DPYD: variants seen among roughly 807,000 people sequenced by gnomAD.
DPYD encodes dihydropyrimidine dehydrogenase [NADP(+)].
A neutral mutation model predicts 116.2 loss-of-function variants in DPYD; 109 were observed. The ratio of observed to expected loss-of-function variants is 0.94; its 90% CI spans 0.80 to 1.10. The LOEUF is 1.10. Ranked by LOEUF, DPYD falls within the 50% of genes least tolerant of loss-of-function variation. The pLI is 0.00. For missense variants in DPYD, 1,302 were observed against 1,254.5 expected, an observed-to-expected ratio of 1.04 and a Z score of -0.57; for synonymous variants, 440 against 432.0, an observed-to-expected ratio of 1.02 and a Z score of -0.23.
intron 8 of DPYD, among the ~76,000 whole-genome samples, chr1:97,625,313 G>C (rs1201171992): frequency 6.7e-6 from 1 of 149,380 alleles, no homozygotes; most frequent in Non-Finnish European, 1.5e-5. Context: ...AGGATTACAT[G>C]TAAGAAGAAT....
At chr1:97,881,376 G>A (rs1672209403) in intron 2 of DPYD, among the ~76,000 whole-genome samples, 1 of 151,960 alleles carries the variant, frequency 6.6e-6, no homozygotes, top group African/African-American at 2.4e-5. Context: ...CCAGAACTGT[G>A]AGAAAATAAG....
intron 16 of DPYD, among the ~76,000 whole-genome samples, chr1:97,306,984 T>C (rs1487453530): frequency 6.6e-6 from 1 of 151,902 alleles, no homozygotes; most frequent in Non-Finnish European, 1.5e-5. Context: ...ATGCTCATTT[T>C]AAAAAGCAAG....
chr1:97,581,975 A>G (rs1653716363), intron 10 of DPYD, among the ~76,000 whole-genome samples: 2 of 152,156 alleles, frequency 1.3e-5, no homozygotes, highest in Non-Finnish European at 2.9e-5. Context: ...ATATGTAAAC[A>G]TCCTACTGGG....
chr1:97,383,644 C>A (rs1672121721), intron 14 of DPYD, among the ~76,000 whole-genome samples: 1 of 151,926 alleles, frequency 6.6e-6, no homozygotes, highest in Non-Finnish European at 1.5e-5. Flanking sequence ...ATGAAGACGC[C>A]AAGGCAATGA....
intron 5 of DPYD, among the ~76,000 whole-genome samples, chr1:97,702,508 G>C (rs1661652800): frequency 6.6e-6 from 1 of 151,798 alleles, no homozygotes; most frequent in Admixed American, 6.6e-5. Flanking sequence ...ATAACATTGT[G>C]TTTTAACAAA....
intron 14 of DPYD, among the ~76,000 whole-genome samples, chr1:97,437,361 G>T (rs561066120): frequency 1.3e-5 from 2 of 150,782 alleles, no homozygotes; most frequent in Non-Finnish European, 3.0e-5. Context: ...AATCCATTTT[G>T]TTGTGTGTAT....
At chr1:97,268,176 G>A (rs1664353206) in intron 18 of DPYD, among the ~76,000 whole-genome samples, 1 of 152,156 alleles carries the variant, frequency 6.6e-6, no homozygotes, top group Non-Finnish European at 1.5e-5. Context: ...GACACACTGG[G>A]GCAGGGGTTG....
intron 18 of DPYD, among the ~76,000 whole-genome samples, chr1:97,253,404 A>T (rs1663239430): frequency 6.6e-6 from 1 of 152,152 alleles, no homozygotes; most frequent in Non-Finnish European, 1.5e-5. Context: ...AAAAGCAAAC[A>T]TTTCCCTTTC....
At chr1:97,608,840 G>A (rs1340416966) in intron 8 of DPYD, among the ~76,000 whole-genome samples, 3 of 151,868 alleles carry the variant, frequency 2.0e-5, no homozygotes, top group Non-Finnish European at 2.9e-5. Flanking sequence ...ACTAGGTGAA[G>A]AATCTATAGC....
chr1:97,831,549 T>C (rs1319006835), intron 2 of DPYD, among the ~76,000 whole-genome samples: 1 of 152,094 alleles, frequency 6.6e-6, no homozygotes, highest in East Asian at 1.9e-4. Flanking sequence ...CAGTGGTAAG[T>C]ATCACATAGG....
intron 16 of DPYD, among the ~76,000 whole-genome samples, chr1:97,372,205 T>C (rs10875077): frequency 0.5 from 75,525 of 151,998 alleles, 19,106 homozygotes; most frequent in South Asian, 0.68. Flanking sequence ...ACCTCCGTAG[T>C]TGTTTCTATC....
At chr1:97,088,102 A>T (rs950669491) in intron 21 of DPYD, among the ~76,000 whole-genome samples, 1 of 152,158 alleles carries the variant, frequency 6.6e-6, no homozygotes, top group Non-Finnish European at 1.5e-5. Context: ...CTTACTTCTT[A>T]GGAAACTTAG....
chr1:97,246,254 C>A (rs1189975548), intron 18 of DPYD, among the ~76,000 whole-genome samples: 1 of 152,056 alleles, frequency 6.6e-6, no homozygotes, highest in African/African-American at 2.4e-5. Context: ...TACCCAGCAC[C>A]ATGGCTGTTG....
intron 4 of DPYD, among the ~76,000 whole-genome samples, chr1:97,726,196 C>T (rs908234962): frequency 6.6e-6 from 1 of 151,448 alleles, no homozygotes; most frequent in South Asian, 2.1e-4. Context: ...TTAACATGTA[C>T]ATTCATAGGT....
chr1:97,289,455 C>T (rs546526210), intron 18 of DPYD, among the ~76,000 whole-genome samples: 2 of 152,054 alleles, frequency 1.3e-5, no homozygotes, highest in Admixed American at 1.3e-4. Context: ...ACTGGCAAAA[C>T]GAATCCAGCA....
intron 3 of DPYD, among the ~76,000 whole-genome samples, chr1:97,793,385 T>G (rs760303338): frequency 6.6e-6 from 1 of 152,180 alleles, no homozygotes; most frequent in Non-Finnish European, 1.5e-5. Context: ...ATATGGAATT[T>G]CAGGTGACCT....
intron 3 of DPYD, among the ~76,000 whole-genome samples, chr1:97,801,394 C>T (rs1361172429): frequency 3.9e-5 from 6 of 151,906 alleles, no homozygotes. Context: ...AATTTAGCTT[C>T]TGTTCCTACT....
chr1:97,599,923 G>A lies in DPYD; in HGVS notation c.851-4757C>T, dbSNP rs575687221. Among the ~76,000 whole-genome samples the A allele has an allele frequency of 7.2e-5, 10 of 138,802 alleles. No homozygotes were observed. The South Asian group carries it at 2.2e-3, about 30-fold the overall frequency. 91.1% of individuals were successfully genotyped at this position (138,802 alleles called of 152,430 possible). ...TAGCCGGGCGTGCTGGCTCATGCCT[G>A]TAATCCCAGCTATTCCAGAGGCTGA... is the stretch of plus-strand genomic sequence containing the variant. On this transcript the variant is annotated intron_variant, in intron 8 of 22. Coordinates refer to ENST00000370192, the MANE Select transcript of DPYD (RefSeq NM_000110.4).
At chr1:97,248,498 C>G (rs1205755332) in intron 18 of DPYD, among the ~76,000 whole-genome samples, 2 of 152,142 alleles carry the variant, frequency 1.3e-5, no homozygotes, top group Admixed American at 1.3e-4. Context: ...ATTGCCCAGT[C>G]TGATGTATGT....
Sources: allele counts gnomAD v4.1 joint callset (sites outside exome capture counted in the v4.1 genomes callset), GRCh38; gene constraint gnomAD v4.1.1; transcripts MANE v1.5; gene names NCBI Gene and HGNC (gene_info 2026-07-23, HGNC 2026-07-21).